MTX2: variants seen among roughly 807,000 people sequenced by gnomAD.
MTX2 encodes metaxin 2, also known as metaxin-2.
In MTX2, 35 loss-of-function variants were observed where a neutral mutation model predicts 42.3. That is an observed-to-expected ratio of 0.83 (90% confidence interval 0.63 to 1.10). The LOEUF (loss-of-function observed/expected upper bound fraction) is 1.10. Ranked by LOEUF, MTX2 falls within the 50% of genes least tolerant of loss-of-function variation. The probability of loss-of-function intolerance (pLI) is 0.00; values close to 1 mark genes in which losing one functional copy is unlikely to be tolerated. For missense variants in MTX2, 307 were observed against 304.1 expected, an observed-to-expected ratio of 1.01 and a Z score of -0.07; for synonymous variants, 119 against 100.9, an observed-to-expected ratio of 1.18 and a Z score of -1.08.
chr2:176,329,139 G>A (rs1239017892), intron 7 of MTX2, among the ~76,000 whole-genome samples, 162 bp from the exon 8 acceptor site: 1 of 151,140 alleles, frequency 6.6e-6, no homozygotes, highest in East Asian at 1.9e-4. Context: ...TTTTTAAAGG[G>A]AATGGCTTAA....
At chr2:176,290,775 T>C (rs2105407552) in intron 1 of MTX2, among the ~76,000 whole-genome samples, 1 of 151,468 alleles carries the variant, frequency 6.6e-6, no homozygotes, top group South Asian at 2.1e-4. Context: ...TCCTCTCATG[T>C]CATGCTTTAC....
intron 1 of MTX2, among the ~76,000 whole-genome samples, chr2:176,292,883 T>C (rs988074512): frequency 5.9e-5 from 9 of 152,240 alleles, no homozygotes; most frequent in East Asian, 1.9e-4. Flanking sequence ...ATTGAAATTT[T>C]ACTTTGTTAA....
intron 1 of MTX2, among the ~76,000 whole-genome samples, chr2:176,295,107 G>A (rs190544371): frequency 1.1e-4 from 17 of 152,194 alleles, no homozygotes; most frequent in Admixed American, 3.9e-4. Context: ...TATGCAAATC[G>A]TAGTACAGTG....
At chr2:176,327,809 G>C (rs1684745935) in intron 5 of MTX2, among the ~76,000 whole-genome samples, 1 of 150,826 alleles carries the variant, frequency 6.6e-6, no homozygotes, top group Admixed American at 6.6e-5. Context: ...TTTAAATCTT[G>C]TAATAGATTG....
At chr2:176,282,065 A>G (rs1332661303) in intron 1 of MTX2, among the ~76,000 whole-genome samples, 2 of 129,706 alleles carry the variant, frequency 1.5e-5, no homozygotes, top group Non-Finnish European at 3.1e-5. Flanking sequence ...TTTGGTACCC[A>G]TTGTTGAGAT....
intron 3 of MTX2, among the ~76,000 whole-genome samples, chr2:176,299,656 T>TATA (rs1466000824): frequency 6.6e-6 from 1 of 152,154 alleles, no homozygotes; most frequent in African/African-American, 2.4e-5. Flanking sequence ...TAGCCATGAC[T>TATA]ATAAATGTGA....
intron 3 of MTX2, 87 bp from the exon 4 acceptor site, chr2:176,323,305 T>G (rs1684628122): frequency 2.8e-6 from 3 of 1,083,120 alleles, no homozygotes; most frequent in Non-Finnish European, 4.2e-6. Flanking sequence ...ATGAAACTAT[T>G]CAGTTTAGAA....
chr2:176,322,219 A>C (rs1684602587), intron 3 of MTX2, among the ~76,000 whole-genome samples: 2 of 152,220 alleles, frequency 1.3e-5, no homozygotes, highest in Middle Eastern at 3.4e-3. Context: ...TTCTTTGTAC[A>C]AGATATTAAT....
chr2:176,270,235 A>G, intron 1 of MTX2: 2 of 540,468 alleles, frequency 3.7e-6, no homozygotes, highest in Non-Finnish European at 5.7e-6. Context: ...CAGTGGCACA[A>G]CCTGGGCTCA....
At chr2:176,329,480 C>A (rs1248575342) in intron 8 of MTX2, 54 bp downstream of exon 8, 4 of 1,516,084 alleles carry the variant, frequency 2.6e-6, no homozygotes, top group South Asian at 1.3e-5. Flanking sequence ...TTAAAAGAAT[C>A]ATTCTTTATA....
In MTX2 at chr2:176,299,449, G is replaced by T. The variant is rs114729234; in HGVS notation, c.135+1554G>T. On this transcript the variant is annotated intron_variant, in intron 3 of 9. Coordinates refer to ENST00000249442, the MANE Select transcript of MTX2 (RefSeq NM_006554.5). ...TTTTATTTGTTAATTCTATTTTTAT[G>T]ATTTCTATTAATTTGCTTTCTCAAA... Among the ~76,000 whole-genome samples, 334 of 152,128 alleles carry T rather than the reference G, an allele frequency of 2.2e-3. 3 individuals are homozygous for T. Among genetic ancestry groups the T allele is most frequent in the African/African-American group, 7.8e-3 (325 of 41,550 alleles).
In MTX2 at chr2:176,326,901, G is replaced by A; in HGVS notation, c.285G>A (p.Lys95=). Residue 95 remains lysine (K), a splice_region_variant and synonymous_variant, in exon 5 of 10, where the codon AAG becomes AAA. Coordinates refer to ENST00000249442, the MANE Select transcript of MTX2 (RefSeq NM_006554.5). ...LGPIVQFVKA[K]GHSLSDGLEE... is the part of the protein sequence containing the mutation. ...CAATAGTCCAATTTGTTAAAGCCAAGGTAATAAAAAGATATTAAATGTATT... is the reference window on the plus strand; with the variant it reads ...CAATAGTCCAATTTGTTAAAGCCAAAGTAATAAAAAGATATTAAATGTATT... The A allele has an allele frequency of 6.7e-7, 1 of 1,502,740 alleles. No individual in the cohort carries two copies. The highest frequency in any genetic ancestry group is 9.1e-7 in the Non-Finnish European group (1 of 1,099,078). The allele number at this position is 1,502,740 out of a possible 1,614,324, so 93.1% of individuals were successfully genotyped here.
intron 3 of MTX2, among the ~76,000 whole-genome samples, chr2:176,304,968 G>A (rs1213187067): frequency 1.3e-5 from 2 of 151,908 alleles, no homozygotes; most frequent in African/African-American, 4.8e-5. Flanking sequence ...TGAATCTCAT[G>A]GTATTAATCA....
At position 176,305,115 on chromosome 2, in the gene MTX2, T is replaced by C. The variant is rs768392320; in HGVS notation, c.135+7220T>C. Among the ~76,000 whole-genome samples the C allele has an allele frequency of 9.2e-5, 14 of 152,024 alleles. No individual in the cohort carries two copies. In the East Asian group the frequency reaches 2.3e-3, roughly 25 times the overall value. ...AAAGAGAGTGTGCTGTGTATCTAACTTGAAAGACAAATGTTCATTTTTGTC... is the reference window on the plus strand; with the variant it reads ...AAAGAGAGTGTGCTGTGTATCTAACCTGAAAGACAAATGTTCATTTTTGTC... On this transcript the variant is annotated intron_variant, in intron 3 of 9. Transcript: ENST00000249442.
At chr2:176,310,387 T>G (rs1219850229) in intron 3 of MTX2, among the ~76,000 whole-genome samples, 1 of 152,190 alleles carries the variant, frequency 6.6e-6, no homozygotes, top group Admixed American at 6.5e-5. Flanking sequence ...TTGGGGTTGC[T>G]CTTGTTGAGG....
chr2:176,282,010 G>A (rs749370958), intron 1 of MTX2, among the ~76,000 whole-genome samples: 7 of 151,772 alleles, frequency 4.6e-5, no homozygotes, highest in Non-Finnish European at 1.0e-4. Context: ...AGGAACCACT[G>A]AATGATTCGG....
intron 1 of MTX2, among the ~76,000 whole-genome samples, chr2:176,272,443 C>G (rs540613756): frequency 1.3e-5 from 2 of 152,114 alleles, no homozygotes; most frequent in African/African-American, 4.8e-5. Context: ...TAAGTTGGTG[C>G]GGTGATGGAT....
At chr2:176,330,766 A>G (rs1208968864) in intron 9 of MTX2, 106 bp downstream of exon 9, 5 of 782,592 alleles carry the variant, frequency 6.4e-6, no homozygotes, top group Non-Finnish European at 2.1e-6. Flanking sequence ...AGCTATTTTT[A>G]TAATTTTTGT....
chr2:176,291,449 C>T (rs775201351), intron 1 of MTX2, among the ~76,000 whole-genome samples: 4 of 152,074 alleles, frequency 2.6e-5, no homozygotes, highest in East Asian at 3.9e-4. Context: ...AAAAATCAGA[C>T]GTGAATGCTG....
Sources: gnomAD v4.1 joint callset for allele counts (sites outside exome capture counted in the v4.1 genomes callset) on GRCh38, gnomAD v4.1.1 for gene constraint, MANE v1.5 for transcripts, NCBI Gene and HGNC (gene_info 2026-07-23, HGNC 2026-07-21) for gene names.